Variants in GPHN observed in about 807,000 individuals in gnomAD.
GPHN encodes the protein gephyrin.
A neutral mutation model predicts 95.5 loss-of-function variants in GPHN; 17 were observed. That is an observed-to-expected ratio of 0.18 (90% CI 0.12 to 0.27). The LOEUF (loss-of-function observed/expected upper bound fraction) is 0.27. Among genes scored for constraint, GPHN ranks in the 10% least tolerant of loss-of-function variants. The pLI, the probability that GPHN is intolerant of heterozygous loss-of-function variation, is 1.00. For synonymous variants in GPHN, 320 were observed against 322.5 expected (o/e 0.99, Z 0.08); for missense variants, 660 against 978.1 (o/e 0.67, Z 4.34).
At chr14:67,118,472 T>C (rs1054247990) in intron 16 of GPHN, among the ~76,000 whole-genome samples, 3 of 152,160 alleles carry the variant, frequency 2.0e-5, no homozygotes, top group African/African-American at 7.2e-5. Flanking sequence ...ACGCCTGTAA[T>C]TCAAGCACTT....
chr14:67,183,306 A>T (rs898264689), downstream of GPHN, among the ~76,000 whole-genome samples: 1 of 152,208 alleles, frequency 6.6e-6, no homozygotes, highest in Non-Finnish European at 1.5e-5. Context: ...ATATGTGCAT[A>T]TATGCAAGCA....
intron 4 of GPHN, among the ~76,000 whole-genome samples, chr14:66,857,127 A>G (rs955911440): frequency 6.6e-6 from 1 of 152,152 alleles, no homozygotes; most frequent in Non-Finnish European, 1.5e-5. Context: ...AATATGTGTC[A>G]AAAATTTGAA....
chr14:67,418,375 A>G, the GPHN span, among the ~76,000 whole-genome samples: 1 of 152,160 alleles, frequency 6.6e-6, no homozygotes, highest in African/African-American at 2.4e-5. Flanking sequence ...AGCCTAAGTC[A>G]GGGGTCCATG....
At chr14:66,520,648 G>T (rs2058441205) in intron 1 of GPHN, among the ~76,000 whole-genome samples, 1 of 151,910 alleles carries the variant, frequency 6.6e-6, no homozygotes, top group Admixed American at 6.6e-5. Context: ...AGAAGTTATA[G>T]TAATAGTTTC....
the GPHN span, among the ~76,000 whole-genome samples, chr14:67,482,157 G>A: frequency 6.6e-6 from 1 of 152,180 alleles, no homozygotes; most frequent in African/African-American, 2.4e-5. Context: ...AAGGGAACAG[G>A]TGATGGGGAA....
chr14:66,716,686 T>C (rs2070214791), intron 2 of GPHN, among the ~76,000 whole-genome samples: 1 of 152,244 alleles, frequency 6.6e-6, no homozygotes, highest in African/African-American at 2.4e-5. Flanking sequence ...TTAGAACTTC[T>C]TTTAGCAGTT....
At chr14:67,370,254 G>A in the GPHN span, among the ~76,000 whole-genome samples, 23,649 of 152,184 alleles carry the variant, frequency 0.16, 3,482 homozygotes, top group East Asian at 0.42. Flanking sequence ...TGGACATGTC[G>A]CAGTGCTGCA....
chr14:66,522,311 T>G (rs1258577074), intron 1 of GPHN, among the ~76,000 whole-genome samples: 4 of 152,246 alleles, frequency 2.6e-5, no homozygotes, highest in Admixed American at 6.5e-5. Flanking sequence ...AGTCTTTTTT[T>G]CTACAAATGG....
At chr14:67,725,345 C>G in the GPHN span, 2 of 1,294,930 alleles carry the variant, frequency 1.5e-6, no homozygotes, top group Non-Finnish European at 2.2e-6. Context: ...TACATCAGAA[C>G]CATCATCCAC....
the GPHN span, among the ~76,000 whole-genome samples, chr14:67,394,984 T>A: frequency 6.6e-6 from 1 of 152,098 alleles, no homozygotes; most frequent in Non-Finnish European, 1.5e-5. Flanking sequence ...ATGCAGCCCC[T>A]CAACCTTGGA....
chr14:67,181,037 G>A lies in GPHN; in HGVS notation c.*100G>A. On this transcript the variant is annotated 3_prime_UTR_variant, in exon 23 of 23. Coordinates refer to ENST00000478722, the MANE Select transcript of GPHN (RefSeq NM_020806.5). ...GCTAGTTTTCCCGATTTGGATAAAA[G>A]TTGATCTGTATAGTCAACATCTTGA... 8.8e-7 allele frequency: 1 copy of A among 1,140,612 alleles called. No homozygotes were observed. Among genetic ancestry groups the A allele is most frequent in the Non-Finnish European group, 1.3e-6 (1 of 758,960 alleles). The allele number at this position is 1,140,612 out of a possible 1,614,324, so 70.7% of individuals were successfully genotyped here.
chr14:67,526,697 C>T, the GPHN span, among the ~76,000 whole-genome samples: 1 of 152,158 alleles, frequency 6.6e-6, no homozygotes, highest in Non-Finnish European at 1.5e-5. Context: ...TCTGGCCCTA[C>T]ACCTGACTGG....
At chr14:67,397,595 C>G in the GPHN span, 2 of 1,381,684 alleles carry the variant, frequency 1.4e-6, no homozygotes, top group South Asian at 2.9e-5. Flanking sequence ...CACCACTTTC[C>G]CAAAGAGGCC....
chr14:67,327,618 T>A, the GPHN span, among the ~76,000 whole-genome samples: 2 of 152,122 alleles, frequency 1.3e-5, no homozygotes, highest in Non-Finnish European at 2.9e-5. Flanking sequence ...TAGGTATATC[T>A]CCTAATGCTA....
chr14:67,208,588 A>C, the GPHN span: 3 of 957,918 alleles, frequency 3.1e-6, no homozygotes, highest in Non-Finnish European at 4.5e-6. Context: ...ATGATGATAT[A>C]GTCAACTCTG....
intron 10 of GPHN, among the ~76,000 whole-genome samples, chr14:67,047,402 G>A (rs2049232471): frequency 7.6e-6 from 1 of 132,256 alleles, no homozygotes; most frequent in South Asian, 2.5e-4. Flanking sequence ...GTCTCACTCT[G>A]TTGCCCAGGC....
chr14:66,580,634 T>C (rs767046063), intron 1 of GPHN, among the ~76,000 whole-genome samples: 6 of 151,722 alleles, frequency 4.0e-5, no homozygotes, highest in Non-Finnish European at 7.4e-5. Flanking sequence ...CATGAAGAAG[T>C]TGAAAATCTG....
the GPHN span, among the ~76,000 whole-genome samples, chr14:67,502,267 G>T: frequency 1.3e-5 from 2 of 151,690 alleles, no homozygotes; most frequent in Admixed American, 6.6e-5. Flanking sequence ...GGAGGTGGAG[G>T]TTGCAGTGAG....
At chr14:67,423,020 G>A in the GPHN span, among the ~76,000 whole-genome samples, 14 of 151,664 alleles carry the variant, frequency 9.2e-5, no homozygotes, top group African/African-American at 3.4e-4. Flanking sequence ...TTTTAGTAGA[G>A]ACGGGTTTCT....
Sources: allele counts gnomAD v4.1 joint callset (sites outside exome capture counted in the v4.1 genomes callset), GRCh38; gene constraint gnomAD v4.1.1; transcripts MANE v1.5; gene names NCBI Gene and HGNC (gene_info 2026-07-23, HGNC 2026-07-21).